AMER2: variants seen among roughly 807,000 people sequenced by gnomAD.
The protein encoded by AMER2 is family with sequence similarity 123A.
In AMER2, 1 loss-of-function variant was observed where a neutral mutation model predicts 4.7. That is an observed-to-expected ratio of 0.21 (90% CI 0.07 to 1.00). AMER2 has a LOEUF of 1.00. AMER2 is among the 50% of genes least tolerant of loss of function. The probability of loss-of-function intolerance (pLI) is 0.60; values close to 1 mark genes in which losing one functional copy is unlikely to be tolerated. For synonymous variants in AMER2, 485 were observed against 433.3 expected, an observed-to-expected ratio of 1.12 and a Z score of -1.48; for missense variants, 988 against 966.9, an observed-to-expected ratio of 1.02 and a Z score of -0.29.
Position 25,170,806 on chromosome 13 carries a change from G to T in AMER2, c.814C>A (p.Pro272Thr). ...CTCCGCGCTGGGGCGCGGTCGGCGG[G>T]GGCGGGCACCTCCTCTCCCCCTGCG... Reference protein sequence around the residue: ...EPAGGEEVPAPADRAPARSCR... With the variant: ...EPAGGEEVPATADRAPARSCR... Residue 272 changes from proline to threonine, a missense_variant, in exon 1 of 1, where the codon CCC becomes ACC. Transcript: ENST00000515384. This position sits in a 1 kb window ranked among gnomAD's most constrained non-coding sequence, Gnocchi z 7.3. 2 of 1,383,144 alleles carry T rather than the reference G, an allele frequency of 1.4e-6. No homozygotes were observed. The highest frequency in any genetic ancestry group is 2.9e-5 in the East Asian group (1 of 34,906). 85.7% of individuals were successfully genotyped at this position (1,383,144 alleles called of 1,614,324 possible). A position where few individuals can be genotyped will look rare whatever the true frequency, so the allele number is the denominator to read the frequency against.
chr13:25,169,929 C>A lies in AMER2; in HGVS notation c.1691G>T (p.Gly564Val). The change falls in exon 1 of 1, where the codon GGA (glycine) becomes GTA (valine). Residue 564 changes from glycine (G) to valine (V), a missense_variant. Transcript: ENST00000515384. This position sits in a 1 kb window ranked among gnomAD's most constrained non-coding sequence, Gnocchi z 4.2. ...CCCTCCAGGAAGGGTTGCTGGACTT[C>A]CGTCCGGGTCAGCATAGAGATCATA... ...ALYDLYADPD[G>V]SPATLPGGKD... The A allele has an allele frequency of 6.2e-7, 1 of 1,614,136 alleles. No homozygotes were observed.
At position 25,170,879 on chromosome 13, in the gene AMER2, C is replaced by A. The variant is rs751187332; in HGVS notation, c.741G>T (p.Glu247Asp). Reference sequence around the variant, plus strand: ...GGGCGTCCTGGCTGGGCTCCTCCGGCTCGCGCGCGGCTCTGGGCGTCTCCT... The same window carrying A: ...GGGCGTCCTGGCTGGGCTCCTCCGGATCGCGCGCGGCTCTGGGCGTCTCCT... Reference protein sequence around the residue: ...VKEETPRAAREPEEPSQDAPR... With the variant: ...VKEETPRAARDPEEPSQDAPR... Residue 247 changes from glutamate to aspartate, a missense_variant, in exon 1 of 1, where the codon GAG (glutamate) becomes GAT (aspartate). Transcript: ENST00000515384. This position sits in a 1 kb window ranked among gnomAD's most constrained non-coding sequence, Gnocchi z 7.3. 6.9e-7 allele frequency: 1 copy of A among 1,459,018 alleles called. No homozygotes were observed. Among genetic ancestry groups the A allele is most frequent in the Non-Finnish European group, 9.0e-7 (1 of 1,113,776 alleles). The allele number at this position is 1,459,018 out of a possible 1,614,324, so 90.4% of individuals were successfully genotyped here.
rs1956413032 is a variant in AMER2, at chr13:25,161,992, T to C, written c.*7612A>G. On this transcript the variant is annotated 3_prime_UTR_variant, in exon 1 of 1. Transcript: ENST00000515384. ...AGTGGAGAAAGGAGGAAAGACCCTA[T>C]TGCTATTTAGAATCCTTTTTAAAAC... 6.6e-6 allele frequency: 1 copy of C among 152,202 alleles called. No individual in the cohort carries two copies. The highest frequency in any genetic ancestry group is 2.4e-5 in the African/African-American group (1 of 41,452). The allele number at this position is 152,202 out of a possible 1,614,324, so 9.4% of individuals were successfully genotyped here.
Position 25,169,494 on chromosome 13 carries a change from G to C in AMER2, c.*110C>G. The C allele has an allele frequency of 7.1e-7, 1 of 1,412,306 alleles. No homozygotes were observed. The highest frequency in any genetic ancestry group is 9.4e-7 in the Non-Finnish European group (1 of 1,066,098). 87.5% of individuals were successfully genotyped at this position (1,412,306 alleles called of 1,614,324 possible). ...ACGCTCTGGAGCAGGGCGGGGGACG[G>C]GTGGTGTCCTAAAAGACTTTCTTTA... On this transcript the variant is annotated 3_prime_UTR_variant, in exon 1 of 1. Transcript: ENST00000515384. This position sits in a 1 kb window ranked among gnomAD's most constrained non-coding sequence, Gnocchi z 4.2.
Position 25,163,567 on chromosome 13 carries a change from C to G in AMER2, c.*6037G>C, listed in dbSNP as rs1956436284. Reference sequence around the variant, plus strand: ...GGCTAAACTTGGGGGTCGTTATGCTCAATGAAATAAGCCAGTCACAGAAGG... The same window carrying G: ...GGCTAAACTTGGGGGTCGTTATGCTGAATGAAATAAGCCAGTCACAGAAGG... On this transcript the variant is annotated 3_prime_UTR_variant, in exon 1 of 1. Transcript: ENST00000515384. 6.6e-6 allele frequency: 1 copy of G among 151,492 alleles called. No individual in the cohort carries two copies. The highest frequency in any genetic ancestry group is 2.4e-5 in the African/African-American group (1 of 41,124). 9.4% of individuals were successfully genotyped at this position (151,492 alleles called of 1,614,324 possible). A position where few individuals can be genotyped will look rare whatever the true frequency, so the allele number is the denominator to read the frequency against.
rs1041699293 is a variant in AMER2, at chr13:25,163,296, G to T, written c.*6308C>A. On this transcript the variant is annotated 3_prime_UTR_variant, in exon 1 of 1. Transcript: ENST00000515384. ...TTAAAAATAATTCTATGTTTAATTA[G>T]AATTACCATATGAATGACCCAGTCA... 1 of 152,086 alleles carries T rather than the reference G, an allele frequency of 6.6e-6. No homozygotes were observed. The highest frequency in any genetic ancestry group is 2.4e-5 in the African/African-American group (1 of 41,412). 9.4% of individuals were successfully genotyped at this position (152,086 alleles called of 1,614,324 possible). A position where few individuals can be genotyped will look rare whatever the true frequency, so the allele number is the denominator to read the frequency against.
rs780402695 is a variant in AMER2, at chr13:25,170,826, C to A, written c.794G>T (p.Gly265Val). The A allele has an allele frequency of 3.0e-5, 42 of 1,422,948 alleles. No homozygotes were observed. The highest frequency in any genetic ancestry group is 2.4e-4 in the Middle Eastern group (1 of 4,162). The allele number at this position is 1,422,948 out of a possible 1,614,324, so 88.1% of individuals were successfully genotyped here. Residue 265 changes from glycine to valine, a missense_variant, in exon 1 of 1, where the codon GGG becomes GTG. Gly to Val is a moderately radical substitution (Grantham distance 109). Transcript: ENST00000515384. The surrounding 1 kb of genome is among the most constrained non-coding windows in gnomAD (Gnocchi z 7.3). ...GGCGGGGGCGGGCACCTCCTCTCCCCCTGCGGGCTCACCTGCTGGGTCTCG... is the reference window on the plus strand; with the variant it reads ...GGCGGGGGCGGGCACCTCCTCTCCCACTGCGGGCTCACCTGCTGGGTCTCG... ...APRDPAGEPA[G>V]GEEVPAPADR...
In AMER2 at chr13:25,170,311, G is replaced by T; in HGVS notation, c.1309C>A (p.Gln437Lys). The change falls in exon 1 of 1, where the codon CAG becomes AAG. Residue 437 changes from glutamine (Q) to lysine (K), a missense_variant. By Grantham distance (53) the Gln-to-Lys change is moderately conservative (BLOSUM62 1). Coordinates refer to ENST00000515384, the MANE Select transcript of AMER2 (RefSeq NM_152704.4). This position sits in a 1 kb window ranked among gnomAD's most constrained non-coding sequence, Gnocchi z 7.3. Reference protein sequence around the residue: ...SPDEVDDTYLQEFWDMLSQTE... With the variant: ...SPDEVDDTYLKEFWDMLSQTE... ...TGGGAGAGCATGTCCCAGAACTCCT[G>T]TAGATAGGTGTCGTCCACCTCGTCC... is the stretch of plus-strand genomic sequence containing the variant. The T allele has an allele frequency of 6.2e-7, 1 of 1,613,926 alleles. No individual in the cohort carries two copies. Among genetic ancestry groups the T allele is most frequent in the Non-Finnish European group, 8.5e-7 (1 of 1,179,992 alleles).
rs1845983907 is a variant in AMER2, at chr13:25,170,618, G to A, written c.1002C>T (p.Asp334=). The change falls in exon 1 of 1, where the codon GAC becomes GAT. Residue 334 remains aspartate (D), a synonymous_variant. Coordinates refer to ENST00000515384, the MANE Select transcript of AMER2 (RefSeq NM_152704.4). The surrounding 1 kb of genome is among the most constrained non-coding windows in gnomAD (Gnocchi z 7.3). ...GCGCCCGGCCGCTGCCGCCTTCGGAGTCGACAAGGGGGACCGTCTTTACGG... is the reference window on the plus strand; with the variant it reads ...GCGCCCGGCCGCTGCCGCCTTCGGAATCGACAAGGGGGACCGTCTTTACGG... ...AVPVKTVPLV[D]SEGGSGRAPA... 3.8e-6 allele frequency: 6 copies of A among 1,569,426 alleles called. No individual in the cohort carries two copies. The highest frequency in any genetic ancestry group is 4.3e-6 in the Non-Finnish European group (5 of 1,156,746).
rs1330407726 is a variant in AMER2 at position 25,163,332 on chromosome 13, G to C, written c.*6272C>G. On this transcript the variant is annotated 3_prime_UTR_variant, in exon 1 of 1. Coordinates refer to ENST00000515384, the MANE Select transcript of AMER2 (RefSeq NM_152704.4). ...TGAATGACCCAGTCATTCCACTTCT[G>C]GGTATTTATTCAAAAAAACTGAAAT... is the stretch of plus-strand genomic sequence containing the variant. 6.6e-6 allele frequency: 1 copy of C among 152,014 alleles called. No individual in the cohort carries two copies. Among genetic ancestry groups the C allele is most frequent in the African/African-American group, 2.4e-5 (1 of 41,364 alleles). 9.4% of individuals were successfully genotyped at this position (152,014 alleles called of 1,614,324 possible).
chr13:25,163,254 A>C lies in AMER2; in HGVS notation c.*6350T>G, dbSNP rs1210363823. 1 of 152,252 alleles carries C rather than the reference A, an allele frequency of 6.6e-6. No homozygotes were observed. The highest frequency in any genetic ancestry group is 2.4e-5 in the African/African-American group (1 of 41,474). 9.4% of individuals were successfully genotyped at this position (152,252 alleles called of 1,614,324 possible). A position where few individuals can be genotyped will look rare whatever the true frequency, so the allele number is the denominator to read the frequency against. ...ATGCAACCACTGTGGAAAGCAGCACAGAAGTTTCTCAAAAAATTAAAAATA... is the reference window on the plus strand; with the variant it reads ...ATGCAACCACTGTGGAAAGCAGCACCGAAGTTTCTCAAAAAATTAAAAATA... On this transcript the variant is annotated 3_prime_UTR_variant, in exon 1 of 1. Transcript: ENST00000515384.
Position 25,166,152 on chromosome 13 carries a change from C to G in AMER2, c.*3452G>C, listed in dbSNP as rs148090159. 1.3e-5 allele frequency: 2 copies of G among 152,150 alleles called. No homozygotes were observed. Among genetic ancestry groups the G allele is most frequent in the Non-Finnish European group, 2.9e-5 (2 of 68,022 alleles). 9.4% of individuals were successfully genotyped at this position (152,150 alleles called of 1,614,324 possible). Reference sequence around the variant, plus strand: ...GATGAAGAAATAAATCCTTTAAACACGGTGAGTTATTACCTTCATAGATAT... The same window carrying G: ...GATGAAGAAATAAATCCTTTAAACAGGGTGAGTTATTACCTTCATAGATAT... On this transcript the variant is annotated 3_prime_UTR_variant, in exon 1 of 1. Coordinates refer to ENST00000515384, the MANE Select transcript of AMER2 (RefSeq NM_152704.4).
In AMER2 at chr13:25,171,385, T is replaced by A; in HGVS notation, c.235A>T (p.Thr79Ser). ...TTGACCCCAAAAATGCTGGGCATGG[T>A]GCCACCCGATTTCCTCTTCTTGAAT... ...KLFKKRKSGG[T>S]MPSIFGVKNK... The change falls in exon 1 of 1, where the codon ACC becomes TCC. Residue 79 changes from threonine (T) to serine (S), a missense_variant. Physicochemically the swap from Thr to Ser is moderately conservative, Grantham distance 58 (BLOSUM62 1). Transcript: ENST00000515384. This position sits in a 1 kb window ranked among gnomAD's most constrained non-coding sequence, Gnocchi z 5.9. 1 of 1,613,078 alleles carries A rather than the reference T, an allele frequency of 6.2e-7. No individual in the cohort carries two copies. The highest frequency in any genetic ancestry group is 8.5e-7 in the Non-Finnish European group (1 of 1,179,662).
At position 25,169,207 on chromosome 13, in the gene AMER2, T is replaced by C. The variant is rs1395736280; in HGVS notation, c.*397A>G. 6.3e-6 allele frequency: 1 copy of C among 158,822 alleles called. No homozygotes were observed. Among genetic ancestry groups the C allele is most frequent in the Non-Finnish European group, 1.4e-5 (1 of 72,626 alleles). The allele number at this position is 158,822 out of a possible 1,614,324, so 9.8% of individuals were successfully genotyped here. On this transcript the variant is annotated 3_prime_UTR_variant, in exon 1 of 1. Coordinates refer to ENST00000515384, the MANE Select transcript of AMER2 (RefSeq NM_152704.4). The surrounding 1 kb of genome is among the most constrained non-coding windows in gnomAD (Gnocchi z 4.2). ...GGTTCTTCAGCGGTTCCTTCAGGCC[T>C]CTAGACACTGGCTTATCCCAATATC...
rs1234448952 is a variant in AMER2 at position 25,168,578 on chromosome 13, C to A, written c.*1026G>T. 1 of 151,626 alleles carries A rather than the reference C, an allele frequency of 6.6e-6. No individual in the cohort carries two copies. The highest frequency in any genetic ancestry group is 2.4e-5 in the African/African-American group (1 of 41,186). 9.4% of individuals were successfully genotyped at this position (151,626 alleles called of 1,614,324 possible). On this transcript the variant is annotated 3_prime_UTR_variant, in exon 1 of 1. Coordinates refer to ENST00000515384, the MANE Select transcript of AMER2 (RefSeq NM_152704.4). ...TATAAAACAAAATCAGAATCGCTTC[C>A]CATTACAGTACATAACAGAACATCA...
At position 25,168,684 on chromosome 13, in the gene AMER2, T is replaced by C. The variant is rs558662668; in HGVS notation, c.*920A>G. On this transcript the variant is annotated 3_prime_UTR_variant, in exon 1 of 1. Transcript: ENST00000515384. ...TATAGAATTATCCAGAATAATTCTATTGAATTGACTGATTACAAAATGTTA... is the reference window on the plus strand; with the variant it reads ...TATAGAATTATCCAGAATAATTCTACTGAATTGACTGATTACAAAATGTTA... 1.3e-5 allele frequency: 2 copies of C among 152,790 alleles called. No individual in the cohort carries two copies. Among genetic ancestry groups the C allele is most frequent in the South Asian group, 2.1e-4 (1 of 4,822 alleles). The allele number at this position is 152,790 out of a possible 1,614,324, so 9.5% of individuals were successfully genotyped here. A position where few individuals can be genotyped will look rare whatever the true frequency, so the allele number is the denominator to read the frequency against.
At position 25,169,907 on chromosome 13, in the gene AMER2, T is replaced by C. The variant is rs1956531115; in HGVS notation, c.1713A>G (p.Gly571=). The C allele has an allele frequency of 1.2e-6, 2 of 1,613,998 alleles. No homozygotes were observed. Among genetic ancestry groups the C allele is most frequent in the African/African-American group, 2.7e-5 (2 of 74,910 alleles). The change falls in exon 1 of 1, where the codon GGA becomes GGG. Residue 571 remains glycine, a synonymous_variant. Transcript: ENST00000515384. This position sits in a 1 kb window ranked among gnomAD's most constrained non-coding sequence, Gnocchi z 4.2. ...AGGACGTCTCCTCGTTGTCCTTCCC[T>C]CCAGGAAGGGTTGCTGGACTTCCGT... ...DPDGSPATLP[G]GKDNEETSSL... is the part of the protein sequence containing the mutation.
Position 25,172,270 on chromosome 13 carries a change from C to T in AMER2, c.-651G>A, listed in dbSNP as rs556753581. 6.6e-6 allele frequency: 1 copy of T among 152,394 alleles called. No individual in the cohort carries two copies. Among genetic ancestry groups the T allele is most frequent in the South Asian group, 2.1e-4 (1 of 4,820 alleles). The allele number at this position is 152,394 out of a possible 1,614,324, so 9.4% of individuals were successfully genotyped here. On this transcript the variant is annotated 5_prime_UTR_variant, in exon 1 of 1. Coordinates refer to ENST00000515384, the MANE Select transcript of AMER2 (RefSeq NM_152704.4). Reference sequence around the variant, plus strand: ...CCCAGCAATGCAAGCACAACAGCTCCCCGGGGTGGAGTTTGCCTGCACCTT... The same window carrying T: ...CCCAGCAATGCAAGCACAACAGCTCTCCGGGGTGGAGTTTGCCTGCACCTT...
rs1022471246 is a variant in AMER2, at chr13:25,166,440, G to T, written c.*3164C>A. ...CGCATCAACCACCATCTGTACTAAA[G>T]CAGAGTGTTTCAAATAACAGTGTAT... On this transcript the variant is annotated 3_prime_UTR_variant, in exon 1 of 1. Coordinates refer to ENST00000515384, the MANE Select transcript of AMER2 (RefSeq NM_152704.4). 1.1e-4 allele frequency: 17 copies of T among 152,196 alleles called. No homozygotes were observed. The highest frequency in any genetic ancestry group is 3.9e-4 in the African/African-American group (16 of 41,446). 9.4% of individuals were successfully genotyped at this position (152,196 alleles called of 1,614,324 possible).
Sources: gnomAD v4.1 joint callset for allele counts on GRCh38, gnomAD v4.1.1 for gene constraint, Gnocchi (gnomAD v3.1) non-coding constraint, MANE v1.5 for transcripts, NCBI Gene and HGNC (gene_info 2026-07-23, HGNC 2026-07-21) for gene names.